Variants in PSMD1 observed in about 807,000 individuals in gnomAD.
PSMD1 encodes the protein 26S proteasome non-ATPase regulatory subunit 1.
PSMD1 carries 18 observed loss-of-function variants against 119.0 expected under a neutral mutation model. The ratio of observed to expected loss-of-function variants is 0.15; its 90% CI spans 0.10 to 0.22. The LOEUF is 0.22. PSMD1 is among the 10% of genes least tolerant of loss of function. PSMD1 has a pLI of 1.00. For synonymous variants in PSMD1, 374 were observed against 396.6 expected (o/e 0.94, Z 0.68); for missense variants, 702 against 1,158.5 (o/e 0.61, Z 5.72).
intron 16 of PSMD1, among the ~76,000 whole-genome samples, chr2:231,104,436 C>G (rs768430078): frequency 6.6e-6 from 1 of 151,944 alleles, no homozygotes; most frequent in Non-Finnish European, 1.5e-5. Context: ...TTTCATAAAA[C>G]GAATCTTTAA....
At chr2:231,154,772 TTA>T (rs1448693441) in intron 19 of PSMD1, among the ~76,000 whole-genome samples, 1 of 152,220 alleles carries the variant, frequency 6.6e-6, no homozygotes, top group Non-Finnish European at 1.5e-5. Context: ...CCCAGCCAAT[TTA>T]TTTTTCCTTT....
chr2:231,114,249 G>A (rs904517777), intron 16 of PSMD1, among the ~76,000 whole-genome samples: 5 of 152,024 alleles, frequency 3.3e-5, no homozygotes, highest in African/African-American at 1.2e-4. Context: ...AATTTATGTA[G>A]TATTGTGACT....
At chr2:231,134,951 T>C (rs2125244677) in intron 16 of PSMD1, among the ~76,000 whole-genome samples, 1 of 151,960 alleles carries the variant, frequency 6.6e-6, no homozygotes, top group South Asian at 2.1e-4. Context: ...AGTTTAACTC[T>C]CTTTGTCTCT....
intron 18 of PSMD1, among the ~76,000 whole-genome samples, chr2:231,152,707 CT>C (rs1485577489): frequency 1.3e-5 from 2 of 152,150 alleles, no homozygotes; most frequent in Non-Finnish European, 2.9e-5. Flanking sequence ...ATATTTTCTG[CT>C]TTTGGCAGAT....
rs551429040 is a variant in PSMD1 at position 231,150,048 on chromosome 2, TA to T, written c.2116-3508del. 4.4e-3 allele frequency among the ~76,000 whole-genome samples: 665 copies of T among 152,012 alleles called. 5 individuals carry two copies. The highest frequency in any genetic ancestry group is 0.015 in the African/African-American group (621 of 41,468). On this transcript the variant is annotated intron_variant, in intron 18 of 24. Transcript: ENST00000308696. Reference sequence around the variant, plus strand: ...AATACGGAGATTTGGGAACTAGCCATAAAAAAAATTATATAGGCCAGGCGCA... The same window carrying T: ...AATACGGAGATTTGGGAACTAGCCATAAAAAAATTATATAGGCCAGGCGCA...
intron 15 of PSMD1, among the ~76,000 whole-genome samples, chr2:231,085,878 A>G (rs1694418946): frequency 1.3e-5 from 2 of 152,182 alleles, no homozygotes; most frequent in South Asian, 4.1e-4. Flanking sequence ...GTACCTTTCT[A>G]TGCAGAAAGA....
intron 16 of PSMD1, chr2:231,109,492 T>C (rs1695084081): frequency 8.4e-7 from 1 of 1,196,540 alleles, no homozygotes; most frequent in Non-Finnish European, 1.2e-6. Flanking sequence ...TGTATCCTTA[T>C]AACTTTATGC....
At chr2:231,138,942 G>T (rs1256266732) in intron 17 of PSMD1, 92 bp downstream of exon 17, 3 of 918,788 alleles carry the variant, frequency 3.3e-6, no homozygotes, top group Non-Finnish European at 5.3e-6. Flanking sequence ...AAAAATACAA[G>T]TGCAATGTGA....
At position 231,170,478 on chromosome 2, in the gene PSMD1, T is replaced by C; in HGVS notation, c.2716-88T>C. ...CACTTCCAAATCATTTAAGTAGTTT[T>C]AAAGTACCATTTAACAAGTATTTAC... On this transcript the variant is annotated intron_variant, in intron 23 of 24. Coordinates refer to ENST00000308696, the MANE Select transcript of PSMD1 (RefSeq NM_002807.4). This position sits in a 1 kb window ranked among gnomAD's most constrained non-coding sequence, Gnocchi z 4.1. 7.4e-7 allele frequency: 1 copy of C among 1,346,496 alleles called. No individual in the cohort carries two copies. Among genetic ancestry groups the C allele is most frequent in the Non-Finnish European group, 1.0e-6 (1 of 1,002,466 alleles). The allele number at this position is 1,346,496 out of a possible 1,614,324, so 83.4% of individuals were successfully genotyped here. A position where few individuals can be genotyped will look rare whatever the true frequency, so the allele number is the denominator to read the frequency against.
intron 16 of PSMD1, among the ~76,000 whole-genome samples, chr2:231,098,105 T>C (rs966497965): frequency 5.3e-5 from 8 of 152,260 alleles, no homozygotes; most frequent in Non-Finnish European, 2.9e-5. Context: ...GGTGCCGGAC[T>C]GCTTTCTTCT....
At chr2:231,080,000 A>G (rs547250059) in intron 11 of PSMD1, 141 bp from the exon 12 acceptor site, 24 of 686,380 alleles carry the variant, frequency 3.5e-5, no homozygotes, top group Non-Finnish European at 4.5e-5. Context: ...GAGTTATACA[A>G]TTATATGAGA....
At chr2:231,165,123 A>G (rs531711444) in intron 21 of PSMD1, 77 bp from the exon 22 acceptor site, 22 of 844,590 alleles carry the variant, frequency 2.6e-5, no homozygotes, top group South Asian at 2.8e-5. Context: ...ATAGTGTTGT[A>G]GGACTGAGTT....
At chr2:231,142,262 GT>G (rs1250035127) in intron 17 of PSMD1, among the ~76,000 whole-genome samples, 1 of 152,132 alleles carries the variant, frequency 6.6e-6, no homozygotes, top group Admixed American at 6.6e-5. Context: ...TGTATCTTCA[GT>G]TTTACTAGAG....
chr2:231,161,544 C>G (rs1559254515), intron 20 of PSMD1, 35 bp downstream of exon 20: 1 of 1,568,944 alleles, frequency 6.4e-7, no homozygotes, highest in South Asian at 1.2e-5. Context: ...GTAGTATTTC[C>G]TGTTCACCGT....
chr2:231,129,872 G>A (rs554447974), intron 16 of PSMD1, among the ~76,000 whole-genome samples: 78 of 151,768 alleles, frequency 5.1e-4, no homozygotes, highest in Non-Finnish European at 8.1e-4. Flanking sequence ...GTTTGTTTTC[G>A]AGACGGAGTC....
At chr2:231,089,880 C>G (rs1694545585) in intron 16 of PSMD1, among the ~76,000 whole-genome samples, 1 of 152,140 alleles carries the variant, frequency 6.6e-6, no homozygotes, top group Admixed American at 6.5e-5. Context: ...TCTGCCTTCC[C>G]CAGCCCACTG....
chr2:231,083,529 C>T (rs1559223536), intron 13 of PSMD1, 38 bp from the exon 14 acceptor site: 1 of 1,604,848 alleles, frequency 6.2e-7, no homozygotes, highest in Admixed American at 1.7e-5. Flanking sequence ...ACTTTAAAAA[C>T]ATAACTCTCT....
intron 17 of PSMD1, among the ~76,000 whole-genome samples, chr2:231,141,105 C>T (rs2125249687): frequency 6.6e-6 from 1 of 152,262 alleles, no homozygotes; most frequent in East Asian, 1.9e-4. Flanking sequence ...GTCAGGAGTT[C>T]AAGACCAGCC....
intron 17 of PSMD1, among the ~76,000 whole-genome samples, chr2:231,141,305 G>GAAAAAAAA (rs113261309): frequency 1.3e-5 from 1 of 78,338 alleles, no homozygotes; most frequent in African/African-American, 4.1e-5. Flanking sequence ...TGTCTCAAAA[G>GAAAAAAAA]AAAAAAAAAA....
Sources: gnomAD v4.1 joint callset for allele counts (sites outside exome capture counted in the v4.1 genomes callset) on GRCh38, gnomAD v4.1.1 for gene constraint, Gnocchi (gnomAD v3.1) non-coding constraint, MANE v1.5 for transcripts, NCBI Gene and HGNC (gene_info 2026-07-23, HGNC 2026-07-21) for gene names.